Variants in DOCK1 observed in about 807,000 individuals in gnomAD.
DOCK1 encodes the protein dedicator of cytokinesis 1.
A neutral mutation model predicts 262.7 loss-of-function variants in DOCK1; 138 were observed. The observed-to-expected ratio is 0.53, with a 90% CI of 0.46 to 0.61. The LOEUF (loss-of-function observed/expected upper bound fraction) is 0.61, where lower values mean the gene tolerates loss of function less well. Ranked by LOEUF, DOCK1 falls within the 20% of genes least tolerant of loss-of-function variation. The pLI is 0.00. For missense variants in DOCK1, 1,908 were observed against 2,370.7 expected (o/e 0.80, Z 4.05); for synonymous variants, 866 against 867.4 (o/e 1.00, Z 0.03).
chr10:127,380,729 A>G lies in DOCK1; in HGVS notation c.3717-549A>G, dbSNP rs114626999. ...GATTACCACTCTGGAGACTAGGAGA[A>G]GGATGTAACCTACACAGCATGAGTT... On this transcript the variant is annotated intron_variant, in intron 36 of 51. Coordinates refer to ENST00000623213, the MANE Select transcript of DOCK1 (RefSeq NM_001290223.2). Among the ~76,000 whole-genome samples, 548 of 152,332 alleles carry G rather than the reference A, an allele frequency of 3.6e-3. 5 individuals carry two copies. The highest frequency in any genetic ancestry group is 0.012 in the African/African-American group (511 of 41,562).
intron 29 of DOCK1, among the ~76,000 whole-genome samples, chr10:127,317,973 A>G (rs946607348): frequency 9.2e-5 from 14 of 152,186 alleles, no homozygotes; most frequent in African/African-American, 3.4e-4. Flanking sequence ...AGGCCATTCT[A>G]CTGAAGGTGG....
intron 31 of DOCK1, among the ~76,000 whole-genome samples, chr10:127,345,043 G>A (rs755527368): frequency 6.6e-6 from 1 of 152,140 alleles, no homozygotes; most frequent in African/African-American, 2.4e-5. Flanking sequence ...CATGTTGTAC[G>A]GGTTTGTAGA....
At chr10:127,020,026 A>G (rs2042300745) in intron 13 of DOCK1, among the ~76,000 whole-genome samples, 1 of 152,080 alleles carries the variant, frequency 6.6e-6, no homozygotes, top group South Asian at 2.1e-4. Flanking sequence ...TTTGTCTTTC[A>G]GGGCTGTTGT....
chr10:126,927,035 C>T (rs1274222730), intron 1 of DOCK1, among the ~76,000 whole-genome samples: 1 of 152,176 alleles, frequency 6.6e-6, no homozygotes, highest in Non-Finnish European at 1.5e-5. Context: ...GAAGGAGAGA[C>T]TTGTAGGCTT....
chr10:127,089,427 C>T (rs1337225734), intron 23 of DOCK1, among the ~76,000 whole-genome samples: 1 of 152,126 alleles, frequency 6.6e-6, no homozygotes, highest in Non-Finnish European at 1.5e-5. Flanking sequence ...TCCTTGGCTT[C>T]TCCTGTGCAC....
chr10:127,112,198 G>A lies in DOCK1; in HGVS notation c.2623+1844G>A, dbSNP rs2048909158. ...AGCTAATTTCTGTATTTTTAGTAGAGATGGGGTTTCACCATGTTGGTCAGG... is the reference window on the plus strand; with the variant it reads ...AGCTAATTTCTGTATTTTTAGTAGAAATGGGGTTTCACCATGTTGGTCAGG... On this transcript the variant is annotated intron_variant, in intron 25 of 51. Transcript: ENST00000623213. Among the ~76,000 whole-genome samples, 9 of 152,206 alleles carry A rather than the reference G, an allele frequency of 5.9e-5. No individual in the cohort carries two copies. The South Asian group carries it at 1.0e-3, about 18-fold the overall frequency.
rs568055768 is a variant in DOCK1 at position 127,108,358 on chromosome 10, G to T, written c.2517-1890G>T. 4.6e-5 allele frequency among the ~76,000 whole-genome samples: 7 copies of T among 152,062 alleles called. No homozygotes were observed. In the South Asian group the frequency reaches 1.2e-3, roughly 27 times the overall value. ...ATCCCAGCACTTTGGGAGGCCGAGG[G>T]GGACAGATCATGAGGTCAGGAATTC... On this transcript the variant is annotated intron_variant, in intron 24 of 51. Transcript: ENST00000623213.
intron 10 of DOCK1, among the ~76,000 whole-genome samples, chr10:127,005,154 T>C (rs1284154106): frequency 6.6e-6 from 1 of 151,936 alleles, no homozygotes; most frequent in East Asian, 1.9e-4. Flanking sequence ...CTGGGCAATA[T>C]GGTGAAACCC....
At chr10:127,139,830 A>C (rs2051051520) in intron 27 of DOCK1, among the ~76,000 whole-genome samples, 1 of 152,184 alleles carries the variant, frequency 6.6e-6, no homozygotes, top group African/African-American at 2.4e-5. Context: ...AATGCCCATG[A>C]ACGAGCCTCC....
chr10:127,029,214 G>C (rs1227973152), intron 16 of DOCK1, among the ~76,000 whole-genome samples: 4 of 152,230 alleles, frequency 2.6e-5, no homozygotes, highest in South Asian at 2.1e-4. Context: ...GAGCATCGCA[G>C]GTGCGATGCC....
chr10:126,955,785 C>T (rs2036685870), intron 1 of DOCK1, among the ~76,000 whole-genome samples: 1 of 152,088 alleles, frequency 6.6e-6, no homozygotes, highest in South Asian at 2.1e-4. Flanking sequence ...TTCAGTGGCT[C>T]ACTCTGTGAA....
At chr10:127,211,577 A>C (rs1208299507) in intron 27 of DOCK1, among the ~76,000 whole-genome samples, 2 of 152,232 alleles carry the variant, frequency 1.3e-5, no homozygotes, top group African/African-American at 4.8e-5. Context: ...TGCTGCTGAC[A>C]TTTCACAGCT....
rs570349516 is a variant in DOCK1, at chr10:127,321,008, G to C, written c.3045-17998G>C. 5.9e-5 allele frequency among the ~76,000 whole-genome samples: 9 copies of C among 152,194 alleles called. No homozygotes were observed. In the East Asian group the frequency reaches 1.7e-3, roughly 30 times the overall value. ...TCACTCACTCTTCATCTCCCCATGA[G>C]GCTAATGAAATCTGTTCTACTGCAG... is the stretch of plus-strand genomic sequence containing the variant. On this transcript the variant is annotated intron_variant, in intron 29 of 51. Transcript: ENST00000623213.
intron 29 of DOCK1, among the ~76,000 whole-genome samples, chr10:127,300,334 C>G (rs1308855437): frequency 6.6e-6 from 1 of 152,198 alleles, no homozygotes. Flanking sequence ...TTCTGGATCT[C>G]TTCTAAAGCT....
At chr10:127,146,487 A>G (rs1259292452) in intron 27 of DOCK1, among the ~76,000 whole-genome samples, 1 of 152,232 alleles carries the variant, frequency 6.6e-6, no homozygotes, top group Non-Finnish European at 1.5e-5. Flanking sequence ...GGAATTTTCA[A>G]GAAGAATTTA....
At chr10:127,150,328 A>G (rs186519468) in intron 27 of DOCK1, among the ~76,000 whole-genome samples, 19 of 151,998 alleles carry the variant, frequency 1.3e-4, no homozygotes, top group Admixed American at 8.5e-4. Flanking sequence ...CTCAATCCCC[A>G]TTGCTCACCC....
At chr10:127,415,640 C>T (rs2068109023) in intron 44 of DOCK1, among the ~76,000 whole-genome samples, 1 of 152,126 alleles carries the variant, frequency 6.6e-6, no homozygotes, top group African/African-American at 2.4e-5. Flanking sequence ...ACATGACAAA[C>T]AACTATTAAT....
intron 28 of DOCK1, among the ~76,000 whole-genome samples, chr10:127,256,974 C>G (rs1383624405): frequency 6.6e-6 from 1 of 152,128 alleles, no homozygotes; most frequent in Non-Finnish European, 1.5e-5. Context: ...TGATTTAGAG[C>G]AAACATAAGA....
intron 27 of DOCK1, among the ~76,000 whole-genome samples, chr10:127,239,254 G>A (rs1037173867): frequency 1.3e-5 from 2 of 152,092 alleles, no homozygotes; most frequent in Non-Finnish European, 2.9e-5. Context: ...GCATACAACC[G>A]CATACAACAT....
Sources: allele counts gnomAD v4.1 joint callset (sites outside exome capture counted in the v4.1 genomes callset), GRCh38; gene constraint gnomAD v4.1.1; transcripts MANE v1.5; gene names NCBI Gene and HGNC (gene_info 2026-07-23, HGNC 2026-07-21).